The following RASA3 variants were observed in gnomAD, a reference collection of about 807,000 sequenced individuals.
The protein encoded by RASA3 is ras GTPase-activating protein 3.
In RASA3, 73 loss-of-function variants were observed where a neutral mutation model predicts 110.0. The ratio of observed to expected loss-of-function variants is 0.66; its 90% CI spans 0.55 to 0.81. RASA3 has a LOEUF of 0.81. Among genes scored for constraint, RASA3 ranks in the 30% least tolerant of loss-of-function variants. The pLI is 0.00. For missense variants in RASA3, 976 were observed against 1,113.2 expected (o/e 0.88, Z 1.75); for synonymous variants, 500 against 451.4 (o/e 1.11, Z -1.37).
In RASA3 at chr13:114,011,966, C is replaced by T. The variant is rs1335839348; in HGVS notation, c.1513-718G>A. Among the ~76,000 whole-genome samples, 2 of 151,972 alleles carry T rather than the reference C, an allele frequency of 1.3e-5. No individual in the cohort carries two copies. Among genetic ancestry groups the T allele is most frequent in the Non-Finnish European group, 2.9e-5 (2 of 67,988 alleles). On this transcript the variant is annotated intron_variant, in intron 15 of 23. Coordinates refer to ENST00000334062, the MANE Select transcript of RASA3 (RefSeq NM_007368.4). The surrounding 1 kb of genome is among the most constrained non-coding windows in gnomAD (Gnocchi z 4.8). Reference sequence around the variant, plus strand: ...GAATGGGCAATCCCTCACGTCCTCTCGCCCTGGCCATCTCCTTCCAGCTCT... The same window carrying T: ...GAATGGGCAATCCCTCACGTCCTCTTGCCCTGGCCATCTCCTTCCAGCTCT...
intron 1 of RASA3, among the ~76,000 whole-genome samples, chr13:114,118,567 C>T (rs1398360288): frequency 1.3e-5 from 2 of 152,196 alleles, no homozygotes; most frequent in Non-Finnish European, 2.9e-5. Context: ...AGCCTCACAA[C>T]TTTCTGATTA....
chr13:114,009,527 GA>G (rs1415499985), intron 16 of RASA3, 63 bp from the exon 17 acceptor site: 1 of 1,091,546 alleles, frequency 9.2e-7, no homozygotes, highest in Non-Finnish European at 1.4e-6. Context: ...GCCCAAATCT[GA>G]AAAAGCTAGA....
chr13:113,990,986 C>T (rs1476374481), intron 22 of RASA3, among the ~76,000 whole-genome samples: 40 of 138,764 alleles, frequency 2.9e-4, no homozygotes, highest in South Asian at 4.8e-4. Flanking sequence ...GGCAGCTGCA[C>T]GGACACCCAG....
At chr13:113,995,248 G>A (rs937169935) in intron 21 of RASA3, among the ~76,000 whole-genome samples, 4 of 152,242 alleles carry the variant, frequency 2.6e-5, no homozygotes, top group African/African-American at 7.2e-5. Context: ...AATGCTTCCC[G>A]CTGTCCTGGG....
intron 1 of RASA3, among the ~76,000 whole-genome samples, chr13:114,099,334 G>A (rs925689950): frequency 3.9e-5 from 6 of 151,988 alleles, no homozygotes; most frequent in South Asian, 2.1e-4. Flanking sequence ...GGGGACACGC[G>A]GGGCTGCAGC....
rs1047571364 is a variant in RASA3 at position 114,056,606 on chromosome 13, G to C, written c.174-4451C>G. On this transcript the variant is annotated intron_variant, in intron 2 of 23. Transcript: ENST00000334062. The surrounding 1 kb of genome is among the most constrained non-coding windows in gnomAD (Gnocchi z 5.7). ...TGGGGGGCTCGGTGGGGGGAGGCCC[G>C]TGCTGGCTGGGCACCTGGGAGGGTC... 3.0e-6 allele frequency: 3 copies of C among 984,392 alleles called. No homozygotes were observed. The African/African-American group carries it at 5.3e-5, about 17-fold the overall frequency. 61.0% of individuals were successfully genotyped at this position (984,392 alleles called of 1,614,324 possible).
chr13:114,047,869 TC>T (rs1489817097), intron 3 of RASA3, among the ~76,000 whole-genome samples: 1 of 152,152 alleles, frequency 6.6e-6, no homozygotes, highest in African/African-American at 2.4e-5. Context: ...GGGTAGGAAA[TC>T]CACCCCAAAG....
At chr13:114,026,142 C>G (rs1469442171) in intron 7 of RASA3, among the ~76,000 whole-genome samples, 1 of 152,244 alleles carries the variant, frequency 6.6e-6, no homozygotes, top group African/African-American at 2.4e-5. Flanking sequence ...CAGGAGTGCA[C>G]ACAGTAGAAA....
At chr13:114,036,446 T>C (rs1177822630) in intron 4 of RASA3, among the ~76,000 whole-genome samples, 1 of 152,342 alleles carries the variant, frequency 6.6e-6, no homozygotes, top group Admixed American at 6.5e-5. Flanking sequence ...TGGAGCCACA[T>C]GGCTACCCCC....
At chr13:114,099,241 G>C (rs1168060268) in intron 1 of RASA3, among the ~76,000 whole-genome samples, 3 of 151,978 alleles carry the variant, frequency 2.0e-5, no homozygotes, top group Non-Finnish European at 4.4e-5. Flanking sequence ...AGCAGTGAAG[G>C]TCAGAGCCAG....
chr13:114,019,304 G>A (rs1233759282), intron 9 of RASA3, among the ~76,000 whole-genome samples: 4 of 152,362 alleles, frequency 2.6e-5, no homozygotes, highest in Admixed American at 6.5e-5. Flanking sequence ...CGTGGCTCCC[G>A]ATGTCACGGG....
intron 1 of RASA3, among the ~76,000 whole-genome samples, chr13:114,125,682 G>A (rs182732378): frequency 1.4e-4 from 21 of 152,288 alleles, no homozygotes; most frequent in Non-Finnish European, 2.8e-4. Context: ...GGCCACAGGT[G>A]CTGCTGCAGT....
At chr13:113,991,021 G>A (rs7139458) in intron 22 of RASA3, among the ~76,000 whole-genome samples, 38,336 of 73,964 alleles carry the variant, frequency 0.52, 9,290 homozygotes, top group African/African-American at 0.69. Flanking sequence ...GAGATCAGGC[G>A]TGGCCAAGCT....
intron 1 of RASA3, among the ~76,000 whole-genome samples, chr13:114,130,050 T>C (rs568476416): frequency 1.3e-5 from 2 of 152,318 alleles, no homozygotes; most frequent in East Asian, 3.9e-4. Flanking sequence ...AGGGTCATCC[T>C]CCACTTCGCT....
intron 3 of RASA3, among the ~76,000 whole-genome samples, chr13:114,042,974 G>A (rs2054445903): frequency 6.6e-6 from 1 of 152,176 alleles, no homozygotes; most frequent in African/African-American, 2.4e-5. Flanking sequence ...TTCCTATGTT[G>A]GCGTCCCCAC....
At chr13:113,989,504 CCCATCACTCACCCATCCGTCCATCCA>C (rs1218510556) in intron 22 of RASA3, among the ~76,000 whole-genome samples, 5 of 149,890 alleles carry the variant, frequency 3.3e-5, no homozygotes, top group Admixed American at 6.6e-5. Flanking sequence ...CTTCCATCCA[CCCATCACTCACCCATCCGTCCATCCA>C]CCATCACTCA....
In RASA3 at chr13:114,019,132, CGCA is replaced by C. The variant is rs1174110891; in HGVS notation, c.786-216_786-214del. Among the ~76,000 whole-genome samples, 3 of 149,822 alleles carry C rather than the reference CGCA, an allele frequency of 2.0e-5. No homozygotes were observed. In the East Asian group the frequency reaches 5.9e-4, roughly 30 times the overall value. On this transcript the variant is annotated intron_variant, in intron 9 of 23. Transcript: ENST00000334062. ...AGGAGGCAAGTGTTGGAGCCAAAGG[CGCA>C]GGAGTCAAGGGGGGAAACGCGGAGG...
chr13:113,979,548 A>G, intron 23 of RASA3, 126 bp from the exon 24 acceptor site: 1 of 777,770 alleles, frequency 1.3e-6, no homozygotes, highest in Non-Finnish European at 2.2e-6. Context: ...CAAAAAATAG[A>G]GGAGCCAAAG....
chr13:114,017,311 T>TGA lies in RASA3; in HGVS notation c.1131_1132insTC (p.Lys378SerfsTer8). 1 of 1,614,028 alleles carries TGA rather than the reference T, an allele frequency of 6.2e-7. No individual in the cohort carries two copies. The highest frequency in any genetic ancestry group is 8.5e-7 in the Non-Finnish European group (1 of 1,180,046). ...AGCTTCATGGTCTCGTCGATGCACT[T>TGA]GGACGCCAGTGAGTTTCCTCGGAAG... On this transcript the variant is annotated frameshift_variant, in exon 12 of 24. Coordinates refer to ENST00000334062, the MANE Select transcript of RASA3 (RefSeq NM_007368.4). LOFTEE classifies it high-confidence loss of function.
Sources: gnomAD v4.1 joint callset for allele counts (sites outside exome capture counted in the v4.1 genomes callset) on GRCh38, gnomAD v4.1.1 for gene constraint, Gnocchi (gnomAD v3.1) non-coding constraint, MANE v1.5 for transcripts, NCBI Gene and HGNC (gene_info 2026-07-23, HGNC 2026-07-21) for gene names.